DIP2C: variants seen among roughly 807,000 people sequenced by gnomAD.
DIP2C encodes the protein disco-interacting protein 2 homolog C.
DIP2C carries 33 observed loss-of-function variants against 192.4 expected under a neutral mutation model. That is an observed-to-expected ratio of 0.17 (90% CI 0.13 to 0.23). The LOEUF (loss-of-function observed/expected upper bound fraction) is 0.23. Among genes scored for constraint, DIP2C ranks in the 10% least tolerant of loss-of-function variants. DIP2C has a pLI of 1.00. For missense variants in DIP2C, 1,537 were observed against 2,110.1 expected, an observed-to-expected ratio of 0.73 and a Z score of 5.32; for synonymous variants, 979 against 864.1, an observed-to-expected ratio of 1.13 and a Z score of -2.33.
chr10:333,283 G>A (rs138346880), intron 29 of DIP2C, among the ~76,000 whole-genome samples: 9 of 152,238 alleles, frequency 5.9e-5, no homozygotes, highest in Middle Eastern at 6.8e-3. Flanking sequence ...GCACAGAATG[G>A]CTTTTAATAA....
intron 1 of DIP2C, among the ~76,000 whole-genome samples, chr10:606,406 T>A (rs1852479396): frequency 6.6e-6 from 1 of 151,348 alleles, no homozygotes; most frequent in Admixed American, 6.6e-5. Context: ...GCTGCCGTAA[T>A]TACCTGCTGT....
intron 8 of DIP2C, 51 bp downstream of exon 8, chr10:413,862 G>GTGGC: frequency 2.5e-6 from 4 of 1,586,946 alleles, no homozygotes; most frequent in Non-Finnish European, 3.4e-6. Context: ...GCGTTCGGGA[G>GTGGC]TGGCTGTGCG....
chr10:631,230 T>C (rs1255835688), intron 1 of DIP2C: 1 of 152,278 alleles, frequency 6.6e-6, no homozygotes, highest in Non-Finnish European at 1.5e-5. Flanking sequence ...GTTAATTTAA[T>C]TAAAACATCT....
At chr10:478,617 C>A (rs866323081) in intron 2 of DIP2C, among the ~76,000 whole-genome samples, 5 of 151,080 alleles carry the variant, frequency 3.3e-5, no homozygotes, top group Non-Finnish European at 5.9e-5. Context: ...CAGACACATC[C>A]AAATTCCCAT....
At chr10:522,095 C>T (rs1052579704) in intron 1 of DIP2C, among the ~76,000 whole-genome samples, 1 of 152,072 alleles carries the variant, frequency 6.6e-6, no homozygotes, top group Non-Finnish European at 1.5e-5. Flanking sequence ...TCACCCCTCC[C>T]CTCCCCAACC....
At chr10:633,491 G>A (rs1235302590) in intron 1 of DIP2C, among the ~76,000 whole-genome samples, 1 of 152,104 alleles carries the variant, frequency 6.6e-6, no homozygotes, top group East Asian at 1.9e-4. Context: ...CGAGCCACAG[G>A]TGGCCACGCC....
At chr10:388,126 T>TC (rs1285052696) in intron 13 of DIP2C, among the ~76,000 whole-genome samples, 1 of 152,136 alleles carries the variant, frequency 6.6e-6, no homozygotes, top group Non-Finnish European at 1.5e-5. Flanking sequence ...TCTTTTCACT[T>TC]CCTCATGAGT....
intron 8 of DIP2C, 76 bp from the exon 9 acceptor site, chr10:409,093 G>C: frequency 6.7e-7 from 1 of 1,481,716 alleles, no homozygotes; most frequent in Non-Finnish European, 9.3e-7. Flanking sequence ...CAAAGTCTAG[G>C]ACATGAGTCC....
At chr10:602,499 G>A (rs1038832828) in intron 1 of DIP2C, among the ~76,000 whole-genome samples, 1 of 152,176 alleles carries the variant, frequency 6.6e-6, no homozygotes, top group African/African-American at 2.4e-5. Flanking sequence ...GACCGGGGTT[G>A]GTGTCCTTGT....
At chr10:589,026 C>T (rs1216871437) in intron 1 of DIP2C, among the ~76,000 whole-genome samples, 1 of 152,180 alleles carries the variant, frequency 6.6e-6, no homozygotes, top group African/African-American at 2.4e-5. Context: ...ATCAGCCGCT[C>T]CAGCAGGGGT....
At chr10:532,776 T>TGAGAGAGTATGGGTGTGA (rs1564825052) in intron 1 of DIP2C, among the ~76,000 whole-genome samples, 28 of 148,316 alleles carry the variant, frequency 1.9e-4, no homozygotes, top group Admixed American at 5.4e-4. Context: ...TATGGGTGTG[T>TGAGAGAGTATGGGTGTGA]GAGAGAGTAT....
intron 1 of DIP2C, among the ~76,000 whole-genome samples, chr10:533,528 T>C (rs1049923403): frequency 3.3e-5 from 5 of 151,988 alleles, no homozygotes; most frequent in Non-Finnish European, 7.4e-5. Context: ...AGAGTGCCAG[T>C]GTGTTCAGGA....
At chr10:686,334 A>G (rs938814838) in intron 1 of DIP2C, among the ~76,000 whole-genome samples, 4 of 145,384 alleles carry the variant, frequency 2.8e-5, no homozygotes, top group African/African-American at 1.0e-4. Context: ...CCTCTCCACT[A>G]GCACAGCCTT....
At chr10:369,884 A>AGCT (rs1464283628) in intron 17 of DIP2C, 1 of 1,372,426 alleles carries the variant, frequency 7.3e-7, no homozygotes, top group African/African-American at 1.5e-5. Flanking sequence ...CTACCAACGC[A>AGCT]GCTCCTCTCC....
chr10:554,496 A>AT (rs1471060833), intron 1 of DIP2C, among the ~76,000 whole-genome samples: 1 of 152,272 alleles, frequency 6.6e-6, no homozygotes, highest in Non-Finnish European at 1.5e-5. Flanking sequence ...AAGGGTGGTT[A>AT]TAAGTTATAA....
At chr10:662,173 A>G (rs1464715602) in intron 1 of DIP2C, 2 of 714,250 alleles carry the variant, frequency 2.8e-6, no homozygotes, top group Admixed American at 2.0e-5. Context: ...AGATAGGCAC[A>G]TGCATATTTT....
At chr10:349,190 G>C in intron 25 of DIP2C, 141 bp downstream of exon 25, 2 of 1,244,734 alleles carry the variant, frequency 1.6e-6, no homozygotes, top group Non-Finnish European at 2.2e-6. Flanking sequence ...AAACGGGCTG[G>C]TTAGCATCCA....
intron 1 of DIP2C, among the ~76,000 whole-genome samples, chr10:487,262 G>A (rs542316957): frequency 6.6e-6 from 1 of 152,130 alleles, no homozygotes; most frequent in Admixed American, 6.5e-5. Context: ...TCATTTTTTT[G>A]GATCTGTTGT....
chr10:559,554 A>G (rs1396990909), intron 1 of DIP2C, among the ~76,000 whole-genome samples: 1 of 152,240 alleles, frequency 6.6e-6, no homozygotes, highest in Non-Finnish European at 1.5e-5. Flanking sequence ...ACCTCAGAGC[A>G]GATGCAACAC....
Sources: allele counts gnomAD v4.1 joint callset (sites outside exome capture counted in the v4.1 genomes callset), GRCh38; gene constraint gnomAD v4.1.1; transcripts MANE v1.5; gene names NCBI Gene and HGNC (gene_info 2026-07-23, HGNC 2026-07-21).